The following STT3A variants were observed in gnomAD, a reference collection of about 807,000 sequenced individuals.
STT3A encodes STT3 oligosaccharyltransferase complex catalytic subunit A.
Under a neutral mutation model 89.2 loss-of-function variants are expected in STT3A, and 34 were observed. That is an observed-to-expected ratio of 0.38 (90% CI 0.29 to 0.51). The LOEUF (loss-of-function observed/expected upper bound fraction) is 0.51, where lower values mean the gene tolerates loss of function less well. Ranked by LOEUF, STT3A falls within the 20% of genes least tolerant of loss-of-function variation. STT3A has a pLI of 0.89. For missense variants in STT3A, 555 were observed against 889.5 expected (o/e 0.62, Z 4.78); for synonymous variants, 282 against 310.3 (o/e 0.91, Z 0.96).
chr11:125,614,371 C>T lies in STT3A; in HGVS notation c.1719C>T (p.Leu573=), dbSNP rs771900369. The change falls in exon 15 of 18, where the codon CTC becomes CTT. Residue 573 remains leucine, a synonymous_variant. Transcript: ENST00000392708. This position sits in a 1 kb window ranked among gnomAD's most constrained non-coding sequence, Gnocchi z 4.9. The part of the protein sequence containing the change: ...EEKAYEIMRE[L]DVSYVLVIFG... Reference sequence around the variant, plus strand: ...AAGCCTATGAGATCATGAGGGAGCTCGATGTCAGCTATGTGCTGGTCATTT... The same window carrying T: ...AAGCCTATGAGATCATGAGGGAGCTTGATGTCAGCTATGTGCTGGTCATTT... 6.2e-6 allele frequency: 10 copies of T among 1,613,868 alleles called. No homozygotes were observed. Among genetic ancestry groups the T allele is most frequent in the Admixed American group, 1.7e-5 (1 of 59,982 alleles).
At chr11:125,619,349 C>T (rs890564626) in intron 16 of STT3A, among the ~76,000 whole-genome samples, 10 of 151,990 alleles carry the variant, frequency 6.6e-5, no homozygotes, top group African/African-American at 9.7e-5. Context: ...CATGAGCCAC[C>T]GCACCCAGCC....
chr11:125,619,408 G>T (rs1940281764), intron 16 of STT3A, among the ~76,000 whole-genome samples: 1 of 152,062 alleles, frequency 6.6e-6, no homozygotes. Flanking sequence ...TTATTTAACT[G>T]CCTAGTGTCA....
At chr11:125,612,466 C>G in intron 11 of STT3A, 126 bp from the exon 12 acceptor site, 1 of 1,076,178 alleles carries the variant, frequency 9.3e-7, no homozygotes, top group Non-Finnish European at 1.3e-6. Context: ...AGTATTTTCT[C>G]TTTCACTTTT....
chr11:125,612,047 T>C (rs1940041402), intron 11 of STT3A, among the ~76,000 whole-genome samples: 1 of 151,938 alleles, frequency 6.6e-6, no homozygotes, highest in South Asian at 2.1e-4. Flanking sequence ...CCAGCTAATT[T>C]TGTATTTTTA....
At position 125,614,379 on chromosome 11, in the gene STT3A, G is replaced by A. The variant is rs768438370; in HGVS notation, c.1727G>A (p.Ser576Asn). Residue 576 changes from serine (S) to asparagine (N), a missense_variant, in exon 15 of 18, where the codon AGC (serine) becomes AAC (asparagine). Ser to Asn is a conservative substitution (Grantham distance 46). This residue lies in a region of STT3A where 273 missense variants were observed against 449.8 expected (regional missense o/e 0.61). Coordinates refer to ENST00000392708, the MANE Select transcript of STT3A (RefSeq NM_152713.5). This position sits in a 1 kb window ranked among gnomAD's most constrained non-coding sequence, Gnocchi z 4.9. ...GAGATCATGAGGGAGCTCGATGTCAGCTATGTGCTGGTCATTTTTGGAGGC... is the reference window on the plus strand; with the variant it reads ...GAGATCATGAGGGAGCTCGATGTCAACTATGTGCTGGTCATTTTTGGAGGC... ...AYEIMRELDV[S>N]YVLVIFGGLT... 4 of 1,614,098 alleles carry A rather than the reference G, an allele frequency of 2.5e-6. No homozygotes were observed. The highest frequency in any genetic ancestry group is 3.4e-6 in the Non-Finnish European group (4 of 1,179,990).
At chr11:125,592,156 T>C (rs1217854056), upstream of STT3A, among the ~76,000 whole-genome samples, 1 of 152,098 alleles carries the variant, frequency 6.6e-6, no homozygotes, top group Non-Finnish European at 1.5e-5. Flanking sequence ...CAGCTGGCAG[T>C]AGAAATGCTT....
intron 1 of STT3A, chr11:125,593,600 G>C (rs553655613): frequency 2.6e-5 from 4 of 152,200 alleles, no homozygotes; most frequent in African/African-American, 7.2e-5. Context: ...TGTGTGGCTC[G>C]TATCAACGCA....
upstream of STT3A, chr11:125,592,740 C>A (rs11220140): frequency 6.7e-6 from 2 of 297,954 alleles, no homozygotes; most frequent in South Asian, 5.2e-5. Context: ...GCCCGGTTTA[C>A]GCCTCCGGAT....
rs34964592 is a variant in STT3A at position 125,606,357 on chromosome 11, C to G, written c.672C>G (p.Leu224=). Residue 224 remains leucine (L), a synonymous_variant, in exon 8 of 18, where the codon CTC becomes CTG. Coordinates refer to ENST00000392708, the MANE Select transcript of STT3A (RefSeq NM_152713.5). Reference sequence around the variant, plus strand: ...TCAACTTAATTCCTCTCCACGTCCTCGTGCTGATGCTCACAGGCCGTTTCT... The same window carrying G: ...TCAACTTAATTCCTCTCCACGTCCTGGTGCTGATGCTCACAGGCCGTTTCT... ...FLINLIPLHV[L]VLMLTGRFSH... The G allele has an allele frequency of 0.071, 115,056 of 1,613,844 alleles. 5,232 individuals are homozygous for G. Among genetic ancestry groups the G allele is most frequent in the African/African-American group, 0.22 (16,815 of 74,920 alleles).
intron 3 of STT3A, among the ~76,000 whole-genome samples, chr11:125,601,144 CAT>C (rs1939663056): frequency 6.6e-6 from 1 of 152,120 alleles, no homozygotes; most frequent in South Asian, 2.1e-4. Flanking sequence ...TAGATAACCA[CAT>C]GAGTAGACCT....
intron 9 of STT3A, among the ~76,000 whole-genome samples, chr11:125,609,037 CTACTT>C (rs781436780): frequency 5.3e-5 from 8 of 152,280 alleles, no homozygotes; most frequent in East Asian, 1.9e-4. Flanking sequence ...TTCTTTTTCT[CTACTT>C]TGCTTTCTCA....
intron 15 of STT3A, among the ~76,000 whole-genome samples, chr11:125,616,431 G>T (rs1022649070): frequency 1.3e-5 from 2 of 152,126 alleles, no homozygotes; most frequent in South Asian, 2.1e-4. Flanking sequence ...GAATATTTTT[G>T]ATTAGAGGTT....
intron 3 of STT3A, 75 bp from the exon 4 acceptor site, chr11:125,602,228 C>T (rs1456464870): frequency 1.3e-6 from 2 of 1,515,178 alleles, no homozygotes; most frequent in African/African-American, 1.4e-5. Context: ...TTGAGTAATG[C>T]TGAATTTCTC....
chr11:125,602,305 A>G lies in STT3A; in HGVS notation c.152A>G (p.Tyr51Cys). 6.2e-7 allele frequency: 1 copy of G among 1,611,564 alleles called. No individual in the cohort carries two copies. The highest frequency in any genetic ancestry group is 8.5e-7 in the Non-Finnish European group (1 of 1,179,372). ...ACAAAGTTTATTTCTTGCTATAGGT[A>G]CTTTAATTATCGGACTACCAGGTTC... Reference protein sequence around the residue: ...FESVIHEFDPYFNYRTTRFLA... With the variant: ...FESVIHEFDPCFNYRTTRFLA... Residue 51 changes from tyrosine (Y) to cysteine (C), a missense_variant and splice_region_variant, in exon 4 of 18, where the codon TAC becomes TGC. Tyr to Cys is a radical substitution (Grantham distance 194). This residue lies in a region of STT3A where 129 missense variants were observed against 193.2 expected (regional missense o/e 0.67). Transcript: ENST00000392708.
chr11:125,618,320 T>A (rs1940238010), intron 15 of STT3A, 53 bp from the exon 16 acceptor site: 1 of 1,518,516 alleles, frequency 6.6e-7, no homozygotes, highest in South Asian at 1.3e-5. Context: ...CTAACCTGCT[T>A]TAACTCCAGC....
At position 125,622,647 on chromosome 11, in the gene STT3A, G is replaced by A. The variant is rs1409710974; in HGVS notation, c.*1837G>A. On this transcript the variant is annotated 3_prime_UTR_variant, in exon 18 of 18. Coordinates refer to ENST00000392708, the MANE Select transcript of STT3A (RefSeq NM_152713.5). ...GCCTGTAATCCCAGCACTTTGGGAGGCTGAAGCATGCGGATCACTTGAGCC... is the reference window on the plus strand; with the variant it reads ...GCCTGTAATCCCAGCACTTTGGGAGACTGAAGCATGCGGATCACTTGAGCC... The A allele has an allele frequency of 6.6e-6, 1 of 152,428 alleles. No homozygotes were observed. The highest frequency in any genetic ancestry group is 1.5e-5 in the Non-Finnish European group (1 of 68,224). 9.4% of individuals were successfully genotyped at this position (152,428 alleles called of 1,614,324 possible).
At chr11:125,596,828 A>C (rs1939514127) in intron 2 of STT3A, among the ~76,000 whole-genome samples, 1 of 152,348 alleles carries the variant, frequency 6.6e-6, no homozygotes, top group East Asian at 1.9e-4. Context: ...GGCTTTTATA[A>C]TTAGTTAACT....
chr11:125,613,173 C>T lies in STT3A; in HGVS notation c.1550C>T (p.Pro517Leu), dbSNP rs1157619797. ...TATTATTGGCTTCGTCATAATACTC[C>T]AGAGGTGAAGATTTGGGAGGGGTGG... ...EAYYWLRHNT[P>L]EDAKVMSWWD... The change falls in exon 13 of 18, where the codon CCA (proline) becomes CTA (leucine). Residue 517 changes from proline to leucine, a missense_variant. Transcript: ENST00000392708. This position sits in a 1 kb window ranked among gnomAD's most constrained non-coding sequence, Gnocchi z 4.2. 3.7e-6 allele frequency: 6 copies of T among 1,612,824 alleles called. No homozygotes were observed. Among genetic ancestry groups the T allele is most frequent in the Admixed American group, 1.7e-5 (1 of 59,964 alleles).
chr11:125,618,389 T>C lies in STT3A; in HGVS notation c.1791T>C (p.Leu597=), dbSNP rs534146776. Residue 597 remains leucine (L), a synonymous_variant, in exon 16 of 18, where the codon CTT becomes CTC. Transcript: ENST00000392708. ...TTCTCCTAGATATCAACAAGTTTCT[T>C]TGGATGGTCCGGATTGGAGGGAGCA... ...GYSSDDINKF[L]WMVRIGGSTD... is the part of the protein sequence containing the mutation. The C allele has an allele frequency of 8.1e-6, 13 of 1,598,642 alleles. No individual in the cohort carries two copies. In the African/African-American group the frequency reaches 1.5e-4, roughly 18 times the overall value.
Sources: allele counts gnomAD v4.1 joint callset (sites outside exome capture counted in the v4.1 genomes callset), GRCh38; gene constraint gnomAD v4.1.1; regional missense constraint gnomAD v4.1.1; non-coding constraint Gnocchi (gnomAD v3.1); transcripts MANE v1.5; gene names NCBI Gene and HGNC (gene_info 2026-07-23, HGNC 2026-07-21).